The following TSPAN1 variants were observed in gnomAD, a reference collection of about 807,000 sequenced individuals.
TSPAN1 encodes tetraspanin-1.
TSPAN1 carries 23 observed loss-of-function variants against 26.9 expected under a neutral mutation model. That is an observed-to-expected ratio of 0.85 (90% CI 0.62 to 1.21). The LOEUF (loss-of-function observed/expected upper bound fraction) is 1.21. Among genes scored for constraint, TSPAN1 ranks in the 50% most tolerant of loss-of-function variants. TSPAN1 has a pLI of 0.00. For synonymous variants in TSPAN1, 115 were observed against 114.8 expected (o/e 1.00, Z -0.01); for missense variants, 283 against 298.4 (o/e 0.95, Z 0.38).
At chr1:46,188,647 C>G, downstream of TSPAN1, 1 of 1,546,544 alleles carries the variant, frequency 6.5e-7, no homozygotes, top group Non-Finnish European at 8.7e-7. Context: ...CCCTCCAGCA[C>G]CCCCCTGACA....
downstream of TSPAN1, among the ~76,000 whole-genome samples, chr1:46,187,617 C>T (rs1657463344): frequency 3.3e-5 from 5 of 152,194 alleles, no homozygotes; most frequent in South Asian, 1.0e-3. Context: ...GCCTGCCTCA[C>T]CCCTTCACCA....
chr1:46,193,172 A>G, the TSPAN1 span: 1 of 1,614,010 alleles, frequency 6.2e-7, no homozygotes, highest in Non-Finnish European at 8.5e-7. Context: ...CTTAGTACTC[A>G]CCGGAAACAG....
chr1:46,196,215 C>A, the TSPAN1 span: 1 of 1,525,796 alleles, frequency 6.6e-7, no homozygotes, highest in Non-Finnish European at 8.8e-7. The surrounding 1 kb of genome is among the most constrained non-coding windows in gnomAD (Gnocchi z 4.4). Context: ...TTTTCCAACT[C>A]AGCTCGAAGG....
intron 3 of TSPAN1, among the ~76,000 whole-genome samples, chr1:46,182,539 G>A (rs1194589182): frequency 1.1e-4 from 16 of 151,886 alleles, no homozygotes; most frequent in Non-Finnish European, 5.9e-5. Flanking sequence ...GTGAAACCCC[G>A]TCTCTACTAA....
the TSPAN1 span, chr1:46,193,139 CT>C: frequency 6.2e-7 from 1 of 1,613,870 alleles, no homozygotes; most frequent in Non-Finnish European, 8.5e-7. Context: ...TGTTTCCCCC[CT>C]CCCAGGCCCA....
chr1:46,189,649 C>T (rs1657594689), downstream of TSPAN1: 3 of 1,557,386 alleles, frequency 1.9e-6, no homozygotes, highest in Admixed American at 1.9e-5. Context: ...GCCCAGCCCC[C>T]ACCCCTCCTC....
the TSPAN1 span, chr1:46,193,733 C>A: frequency 4.4e-6 from 7 of 1,601,524 alleles, no homozygotes; most frequent in Non-Finnish European, 5.1e-6. Context: ...CTATGCTTAC[C>A]CACAGAGGTG....
the TSPAN1 span, chr1:46,193,455 G>C: frequency 6.2e-7 from 1 of 1,606,830 alleles, no homozygotes; most frequent in East Asian, 2.2e-5. Flanking sequence ...GCAATCCAAG[G>C]CCTTCACATT....
chr1:46,192,500 C>G, the TSPAN1 span: 2 of 1,614,146 alleles, frequency 1.2e-6, no homozygotes, highest in Admixed American at 3.3e-5. Context: ...CTGCTAAACC[C>G]TGGTCATTCC....
At chr1:46,181,769 G>A (rs1429554159) in intron 3 of TSPAN1, among the ~76,000 whole-genome samples, 1 of 152,216 alleles carries the variant, frequency 6.6e-6, no homozygotes, top group East Asian at 1.9e-4. Context: ...TAGGACGGAG[G>A]TTATGGGAGC....
At chr1:46,194,761 T>C in the TSPAN1 span, 1 of 1,613,602 alleles carries the variant, frequency 6.2e-7, no homozygotes, top group Non-Finnish European at 8.5e-7. Flanking sequence ...CTCCTATTTG[T>C]TCCCCACCCC....
intron 4 of TSPAN1, 50 bp from the exon 5 acceptor site, chr1:46,184,544 G>A (rs1657385184): frequency 2.5e-6 from 4 of 1,607,080 alleles, no homozygotes; most frequent in Non-Finnish European, 2.6e-6. Context: ...GGCAAGGAGG[G>A]CATGAGGGAC....
At chr1:46,190,601 T>G, downstream of TSPAN1, 1 of 1,533,502 alleles carries the variant, frequency 6.5e-7, no homozygotes, top group Non-Finnish European at 9.0e-7. Flanking sequence ...AGGGGTCACA[T>G]GGGAATCTGT....
the TSPAN1 span, chr1:46,191,859 C>T: frequency 2.1e-6 from 1 of 482,084 alleles, no homozygotes; most frequent in Non-Finnish European, 3.7e-6. Context: ...TGGTCTCGAT[C>T]TCCTGACCTT....
chr1:46,194,623 T>C, the TSPAN1 span: 571,338 of 1,613,968 alleles, frequency 0.35, 103,172 homozygotes, highest in South Asian at 0.45. Flanking sequence ...GGGCAGGTGA[T>C]TTAGAATGTT....
In TSPAN1 at chr1:46,184,290, T is replaced by C; in HGVS notation, c.157T>C (p.Phe53Leu). 6.2e-7 allele frequency: 1 copy of C among 1,614,190 alleles called. No homozygotes were observed. The highest frequency in any genetic ancestry group is 8.5e-7 in the Non-Finnish European group (1 of 1,180,034). The change falls in exon 4 of 9, where the codon TTT becomes CTT. Residue 53 changes from phenylalanine (F) to leucine (L), a missense_variant. Phe to Leu is a conservative substitution (Grantham distance 22). Coordinates refer to ENST00000372003, the MANE Select transcript of TSPAN1 (RefSeq NM_005727.4). ...GCCACTGTCGTCCAGTGCCATGCAG[T>C]TTGTCAACGTGGGCTACTTCCTCAT... ...FGPLSSSAMQFVNVGYFLIAA... is the reference protein window; with the variant it reads ...FGPLSSSAMQLVNVGYFLIAA...
downstream of TSPAN1, chr1:46,190,059 T>C: frequency 3.2e-6 from 5 of 1,573,698 alleles, no homozygotes; most frequent in South Asian, 5.7e-5. Flanking sequence ...CAGGACCCTG[T>C]ACTTGGTTGA....
chr1:46,192,875 A>G, the TSPAN1 span: 20 of 1,614,060 alleles, frequency 1.2e-5, no homozygotes, highest in East Asian at 2.2e-5. Flanking sequence ...AGGGACCTCA[A>G]CTGAAACCTA....
rs890382500 is a variant in TSPAN1 at position 46,185,291 on chromosome 1, G to A, written c.661G>A (p.Gly221Arg). Residue 221 changes from glycine (G) to arginine (R), a missense_variant, in exon 8 of 9, where the codon GGA (glycine) becomes AGA (arginine). Physicochemically the swap from Gly to Arg is moderately radical, Grantham distance 125 (BLOSUM62 -2). Transcript: ENST00000372003. Reference sequence around the variant, plus strand: ...AGTCACCGTGGGTGGTGTGGCAGCTGGAATTGGGGGCCTCGAGGTAAGCAG... The same window carrying A: ...AGTCACCGTGGGTGGTGTGGCAGCTAGAATTGGGGGCCTCGAGGTAAGCAG... ...NAVTVGGVAA[G>R]IGGLELAAMI... is the part of the protein sequence containing the mutation. 2 of 1,614,136 alleles carry A rather than the reference G, an allele frequency of 1.2e-6. No individual in the cohort carries two copies. Among genetic ancestry groups the A allele is most frequent in the South Asian group, 1.1e-5 (1 of 91,078 alleles).
Sources: gnomAD v4.1 joint callset for allele counts (sites outside exome capture counted in the v4.1 genomes callset) on GRCh38, gnomAD v4.1.1 for gene constraint, Gnocchi (gnomAD v3.1) non-coding constraint, MANE v1.5 for transcripts, NCBI Gene and HGNC (gene_info 2026-07-23, HGNC 2026-07-21) for gene names.